Variants in STK32B observed in about 807,000 individuals in gnomAD.
STK32B encodes serine/threonine-protein kinase 32B.
A neutral mutation model predicts 52.6 loss-of-function variants in STK32B; 43 were observed. The observed-to-expected ratio is 0.82, with a 90% CI of 0.64 to 1.05. STK32B has a LOEUF of 1.05. Among genes scored for constraint, STK32B ranks in the 50% least tolerant of loss-of-function variants. STK32B has a pLI of 0.00. For missense variants in STK32B, 621 were observed against 534.6 expected (o/e 1.16, Z -1.59); for synonymous variants, 238 against 204.3 (o/e 1.17, Z -1.41).
At chr4:5,122,270 T>TCACC (rs1326949358) in intron 1 of STK32B, among the ~76,000 whole-genome samples, 3 of 151,954 alleles carry the variant, frequency 2.0e-5, no homozygotes, top group African/African-American at 7.2e-5. Context: ...ATTCATTCAT[T>TCACC]CATTCACTCA....
chr4:5,376,914 G>C (rs146685545), intron 4 of STK32B, among the ~76,000 whole-genome samples: 92 of 152,162 alleles, frequency 6.0e-4, no homozygotes, highest in African/African-American at 2.2e-3. Context: ...TCTCCTGTTT[G>C]ATGGTGCCCT....
chr4:5,112,668 G>T (rs1432610413), intron 1 of STK32B, among the ~76,000 whole-genome samples: 1 of 152,092 alleles, frequency 6.6e-6, no homozygotes, highest in South Asian at 2.1e-4. Flanking sequence ...AAATATCTGG[G>T]CACCCCATGT....
intron 1 of STK32B, among the ~76,000 whole-genome samples, chr4:5,052,135 C>T (rs1040762417): frequency 3.9e-5 from 6 of 152,190 alleles, no homozygotes; most frequent in Non-Finnish European, 7.3e-5. Flanking sequence ...CGGGACGGTG[C>T]CTAGCGCGGG....
chr4:5,038,989 T>G, the STK32B span, among the ~76,000 whole-genome samples: 1 of 148,000 alleles, frequency 6.8e-6, no homozygotes, highest in Non-Finnish European at 1.5e-5. Flanking sequence ...TTCTTTCTTT[T>G]TTTTTTTTTT....
chr4:5,305,585 T>A (rs1002036325), intron 3 of STK32B, among the ~76,000 whole-genome samples: 1 of 152,130 alleles, frequency 6.6e-6, no homozygotes, highest in African/African-American at 2.4e-5. Context: ...TATTTGGATC[T>A]CTTTTCTTTT....
At chr4:5,039,343 AAAAATTTC>A in the STK32B span, among the ~76,000 whole-genome samples, 1 of 152,198 alleles carries the variant, frequency 6.6e-6, no homozygotes, top group Non-Finnish European at 1.5e-5. Context: ...TTTTCTACTT[AAAAATTTC>A]TTTAGAACTT....
intron 1 of STK32B, among the ~76,000 whole-genome samples, chr4:5,137,884 G>T (rs1277246147): frequency 6.6e-6 from 1 of 152,128 alleles, no homozygotes; most frequent in Non-Finnish European, 1.5e-5. Context: ...AAATGGTCTT[G>T]CAGGCAAGGG....
intron 1 of STK32B, among the ~76,000 whole-genome samples, chr4:5,087,640 G>T (rs1490934417): frequency 6.6e-6 from 1 of 151,756 alleles, no homozygotes; most frequent in East Asian, 1.9e-4. Flanking sequence ...AATAGAAGCA[G>T]AGTGGCTAGA....
chr4:5,096,558 G>C (rs979508396), intron 1 of STK32B, among the ~76,000 whole-genome samples: 1 of 152,148 alleles, frequency 6.6e-6, no homozygotes. Context: ...TGTTGGAAGG[G>C]CTACATTATT....
At chr4:5,240,911 C>G (rs1241084132) in intron 3 of STK32B, among the ~76,000 whole-genome samples, 1 of 152,250 alleles carries the variant, frequency 6.6e-6, no homozygotes, top group South Asian at 2.1e-4. Context: ...GTCTCTTTGT[C>G]TATCCTTCTA....
At chr4:5,478,397 T>G (rs555067243) in intron 11 of STK32B, among the ~76,000 whole-genome samples, 11 of 152,290 alleles carry the variant, frequency 7.2e-5, no homozygotes, top group African/African-American at 2.6e-4. Flanking sequence ...AGGGTTTGGC[T>G]GAATCCAACC....
intron 1 of STK32B, among the ~76,000 whole-genome samples, chr4:5,088,895 G>A (rs527771006): frequency 2.1e-5 from 3 of 145,198 alleles, no homozygotes; most frequent in Non-Finnish European, 4.4e-5. Flanking sequence ...TCTAGACAAA[G>A]AAGAACAAAC....
chr4:5,340,407 G>A (rs1461281180), intron 4 of STK32B, among the ~76,000 whole-genome samples: 2 of 152,242 alleles, frequency 1.3e-5, no homozygotes, highest in Admixed American at 1.3e-4. Context: ...GAAAAGGAAT[G>A]CAGAAGGCAC....
the STK32B span, among the ~76,000 whole-genome samples, chr4:5,022,946 A>G: frequency 1.6e-4 from 24 of 152,126 alleles, no homozygotes; most frequent in African/African-American, 5.3e-4. Context: ...GCTCCCTATC[A>G]GGTGAGAGCT....
intron 1 of STK32B, among the ~76,000 whole-genome samples, chr4:5,110,858 A>G (rs1340566089): frequency 2.6e-5 from 4 of 152,144 alleles, no homozygotes; most frequent in African/African-American, 9.7e-5. Context: ...TTTACAAGTT[A>G]TGCCCTCAAC....
chr4:5,126,745 T>C (rs1715384980), intron 1 of STK32B, among the ~76,000 whole-genome samples: 1 of 152,196 alleles, frequency 6.6e-6, no homozygotes, highest in African/African-American at 2.4e-5. Flanking sequence ...AACATGACTA[T>C]ATCACCTGTA....
intron 3 of STK32B, among the ~76,000 whole-genome samples, chr4:5,294,736 C>T (rs962410168): frequency 3.3e-5 from 5 of 152,278 alleles, no homozygotes; most frequent in Non-Finnish European, 5.9e-5. Context: ...AATTTGACTT[C>T]CTCTATTCCT....
chr4:5,361,012 C>G (rs2108998534), intron 4 of STK32B, among the ~76,000 whole-genome samples: 1 of 152,310 alleles, frequency 6.6e-6, no homozygotes, highest in South Asian at 2.1e-4. Flanking sequence ...AACTGCCATT[C>G]TACTCTGTCT....
intron 3 of STK32B, among the ~76,000 whole-genome samples, chr4:5,316,263 T>TATACA (rs1730708278): frequency 1.3e-5 from 1 of 79,258 alleles, no homozygotes; most frequent in Non-Finnish European, 2.1e-5. Flanking sequence ...TAATATATTA[T>TATACA]ATAGTATATA....
Sources: allele counts gnomAD v4.1 joint callset (sites outside exome capture counted in the v4.1 genomes callset), GRCh38; gene constraint gnomAD v4.1.1; transcripts MANE v1.5; gene names NCBI Gene and HGNC (gene_info 2026-07-23, HGNC 2026-07-21).